The following ATM variants were observed in gnomAD, a reference collection of about 807,000 sequenced individuals.
ATM encodes serine-protein kinase ATM.
In ATM, 308 loss-of-function variants were observed where a neutral mutation model predicts 387.0. The ratio of observed to expected loss-of-function variants is 0.80; its 90% CI spans 0.73 to 0.87. The LOEUF is 0.87. Among genes scored for constraint, ATM ranks in the 40% least tolerant of loss-of-function variants. The pLI is 0.00. For missense variants in ATM, 3,312 were observed against 3,560.9 expected, an observed-to-expected ratio of 0.93 and a Z score of 1.78; for synonymous variants, 1,156 against 1,187.3, an observed-to-expected ratio of 0.97 and a Z score of 0.54.
At chr11:108,257,746 A>C (rs2080598119) in intron 15 of ATM, 140 bp downstream of exon 15, 2 of 872,640 alleles carry the variant, frequency 2.3e-6, no homozygotes, top group Non-Finnish European at 3.7e-6. Context: ...CAGCCTCCCA[A>C]GTAATTGGGA....
chr11:108,276,232 C>T (rs2081942311), intron 22 of ATM, among the ~76,000 whole-genome samples: 1 of 152,206 alleles, frequency 6.6e-6, no homozygotes, highest in African/African-American at 2.4e-5. Flanking sequence ...TTCTTCTCTA[C>T]ACTGATTATT....
Position 108,240,726 on chromosome 11 carries a change from C to A in ATM, c.497-3227C>A, listed in dbSNP as rs181062990. Reference sequence around the variant, plus strand: ...TTAACCATGAATGGAGCTTGCAGGACTGGAAGTTGCTCTGGGTATGTAAAT... The same window carrying A: ...TTAACCATGAATGGAGCTTGCAGGAATGGAAGTTGCTCTGGGTATGTAAAT... On this transcript the variant is annotated intron_variant, in intron 5 of 62. Coordinates refer to ENST00000675843, the MANE Select transcript of ATM (RefSeq NM_000051.4). 9.2e-5 allele frequency among the ~76,000 whole-genome samples: 14 copies of A among 152,180 alleles called. No homozygotes were observed. The East Asian group carries it at 1.9e-3, about 21-fold the overall frequency.
rs1060501613 is a variant in ATM at position 108,301,653 on chromosome 11, A to G, written c.5183A>G (p.Lys1728Arg). The G allele has an allele frequency of 3.1e-6, 5 of 1,613,540 alleles. No homozygotes were observed. Among genetic ancestry groups the G allele is most frequent in the East Asian group, 2.2e-5 (1 of 44,802 alleles). Reference sequence around the variant, plus strand: ...ATTTGAATTGTTTTTTTCAGTGTCAAAGTTCGATCAGCAGCTGTTACCTGT... The same window carrying G: ...ATTTGAATTGTTTTTTTCAGTGTCAGAGTTCGATCAGCAGCTGTTACCTGT... ...LNNTLVEDCV[K>R]VRSAAVTCLK... is the part of the protein sequence containing the mutation. Residue 1728 changes from lysine (K) to arginine (R), a missense_variant, in exon 35 of 63, where the codon AAA becomes AGA. By Grantham distance (26) the Lys-to-Arg change is conservative. Around this residue, in one of 4 missense-constraint regions of ATM, gnomAD observed 1,405 missense variants for 1,604.4 expected, o/e 0.88. Transcript: ENST00000675843.
At chr11:108,312,994 T>C (rs1178943202) in intron 40 of ATM, among the ~76,000 whole-genome samples, 1 of 152,190 alleles carries the variant, frequency 6.6e-6, no homozygotes, top group Non-Finnish European at 1.5e-5. Flanking sequence ...TGCTTAAACC[T>C]CTCATCTTCT....
chr11:108,317,539 A>G lies in ATM; in HGVS notation c.6347+18A>G. On this transcript the variant is annotated intron_variant, in intron 43 of 62. Coordinates refer to ENST00000675843, the MANE Select transcript of ATM (RefSeq NM_000051.4). Reference sequence around the variant, plus strand: ...TCCGTCAGGTAAGAAATTTGACTTGATTTTTTTTTTTTTGCCTCTCTCCTC... The same window carrying G: ...TCCGTCAGGTAAGAAATTTGACTTGGTTTTTTTTTTTTTGCCTCTCTCCTC... The G allele has an allele frequency of 2.3e-6, 3 of 1,318,260 alleles. No homozygotes were observed. The highest frequency in any genetic ancestry group is 2.8e-5 in the East Asian group (1 of 35,148). The allele number at this position is 1,318,260 out of a possible 1,614,324, so 81.7% of individuals were successfully genotyped here.
At position 108,337,470 on chromosome 11, in the gene ATM, G is replaced by C. The variant is rs1254124005; in HGVS notation, c.8268+1509G>C. Among the ~76,000 whole-genome samples the C allele has an allele frequency of 2.6e-5, 4 of 152,222 alleles. No individual in the cohort carries two copies. In the East Asian group the frequency reaches 7.7e-4, roughly 29 times the overall value. On this transcript the variant is annotated intron_variant, in intron 56 of 62. Transcript: ENST00000675843. ...CTTTAGCAGACATCATAGTCACTTA[G>C]AGAGTTTGTTAAAAACACAGATTTC...
Position 108,335,169 on chromosome 11 carries a change from A to G in ATM, c.8151+60A>G, listed in dbSNP as rs1340279471. The G allele has an allele frequency of 4.3e-6, 7 of 1,610,688 alleles. No individual in the cohort carries two copies. The East Asian group carries it at 1.6e-4, about 36-fold the overall frequency. On this transcript the variant is annotated intron_variant, in intron 55 of 62. Transcript: ENST00000675843. ...TTTTAGTGATGAAAATTTTTAGTTC[A>G]TATTTTCTTTCTGCTTTATTTGGGA...
chr11:108,306,882 C>G (rs575958339), intron 37 of ATM, among the ~76,000 whole-genome samples: 1 of 152,266 alleles, frequency 6.6e-6, no homozygotes, highest in East Asian at 1.9e-4. Flanking sequence ...CTCTAGAAAC[C>G]TCTCTCACGT....
rs1591249178 is a variant in ATM at position 108,343,345 on chromosome 11, G to T, written c.8392G>T (p.Ala2798Ser). The stretch of plus-strand genomic sequence containing the variant: ...AAGATACAGGCCAAATGATTTCAGT[G>T]CCTTTCAGTGCCAAAAGAAAATGAT... Reference protein sequence around the residue: ...HKRYRPNDFSAFQCQKKMMEV... With the variant: ...HKRYRPNDFSSFQCQKKMMEV... Residue 2798 changes from alanine (A) to serine (S), a missense_variant, in exon 57 of 63, where the codon GCC becomes TCC. Coordinates refer to ENST00000675843, the MANE Select transcript of ATM (RefSeq NM_000051.4). 6.2e-7 allele frequency: 1 copy of T among 1,613,916 alleles called. No homozygotes were observed. Among genetic ancestry groups the T allele is most frequent in the Non-Finnish European group, 8.5e-7 (1 of 1,179,866 alleles).
Position 108,256,323 on chromosome 11 carries a change from T to C in ATM, c.2233T>C (p.Leu745=), listed in dbSNP as rs1293287271. ...TGAAGAGGAAGCATATAAGTCAGAA[T>C]TATTCCAGAAAGCCAAGGTAGGAGA... is the stretch of plus-strand genomic sequence containing the variant. ...IAEEEAYKSE[L]FQKAKSLMQC... The change falls in exon 14 of 63, where the codon TTA becomes CTA. Residue 745 remains leucine (L), a synonymous_variant. Transcript: ENST00000675843. 1 of 1,610,824 alleles carries C rather than the reference T, an allele frequency of 6.2e-7. No individual in the cohort carries two copies. The highest frequency in any genetic ancestry group is 2.2e-5 in the East Asian group (1 of 44,720).
In ATM at chr11:108,272,776, G is replaced by A. The variant is rs587780620; in HGVS notation, c.3208G>A (p.Val1070Ile). Reference protein sequence around the residue: ...ILNVMGKDFPVNEVFTQFLAD... With the variant: ...ILNVMGKDFPINEVFTQFLAD... ...TAATGTAATGGGAAAAGACTTTCCTGTAAATGAAGTATTTACACAATTTCT... is the reference window on the plus strand; with the variant it reads ...TAATGTAATGGGAAAAGACTTTCCTATAAATGAAGTATTTACACAATTTCT... Residue 1070 changes from valine to isoleucine, a missense_variant, in exon 22 of 63, where the codon GTA (valine) becomes ATA (isoleucine). By Grantham distance (29) the Val-to-Ile change is conservative (BLOSUM62 3). Transcript: ENST00000675843. The A allele has an allele frequency of 8.7e-6, 14 of 1,613,982 alleles. No homozygotes were observed. Among genetic ancestry groups the A allele is most frequent in the Non-Finnish European group, 1.0e-5 (12 of 1,179,976 alleles).
chr11:108,242,902 A>G (rs922347089), intron 5 of ATM, among the ~76,000 whole-genome samples: 3 of 152,088 alleles, frequency 2.0e-5, no homozygotes, highest in Admixed American at 2.0e-4. Context: ...GGAAACTGTC[A>G]TGCTAATTTG....
At chr11:108,338,932 A>G (rs1462799969) in intron 56 of ATM, among the ~76,000 whole-genome samples, 1 of 152,140 alleles carries the variant, frequency 6.6e-6, no homozygotes. Flanking sequence ...GTCATTCCCA[A>G]TCCTGAGATT....
chr11:108,334,146 AG>A (rs1160576597), intron 54 of ATM, among the ~76,000 whole-genome samples, 178 bp downstream of exon 54: 1 of 152,164 alleles, frequency 6.6e-6, no homozygotes, highest in African/African-American at 2.4e-5. Flanking sequence ...AATACTCAAA[AG>A]CTTCTCCTGC....
rs963653732 is a variant in ATM at position 108,260,627 on chromosome 11, G to C, written c.2466+1552G>C. ...ACTTCTTAATATAAGAAATAATTTT[G>C]AGGGAGGAGCCAAGATGGCCGAATA... On this transcript the variant is annotated intron_variant, in intron 16 of 62. Coordinates refer to ENST00000675843, the MANE Select transcript of ATM (RefSeq NM_000051.4). Among the ~76,000 whole-genome samples the C allele has an allele frequency of 3.3e-5, 5 of 152,174 alleles. No homozygotes were observed. Among genetic ancestry groups the C allele is most frequent in the Non-Finnish European group, 7.3e-5 (5 of 68,032 alleles).
rs587782239 is a variant in ATM, at chr11:108,304,796, G to T, written c.5618G>T (p.Cys1873Phe). 1.2e-6 allele frequency: 2 copies of T among 1,613,632 alleles called. No homozygotes were observed. Among genetic ancestry groups the T allele is most frequent in the Admixed American group, 3.3e-5 (2 of 59,994 alleles). Residue 1873 changes from cysteine to phenylalanine, a missense_variant, in exon 37 of 63, where the codon TGT becomes TTT. Transcript: ENST00000675843. ...STHVQGFFTS[C>F]LRHFSQTSRS... is the part of the protein sequence containing the mutation. Reference sequence around the variant, plus strand: ...CATGTTCAGGGATTTTTCACCAGCTGTCTTCGACACTTCTCGCAAACGAGC... The same window carrying T: ...CATGTTCAGGGATTTTTCACCAGCTTTCTTCGACACTTCTCGCAAACGAGC...
At chr11:108,309,168 T>C in intron 38 of ATM, 1 of 629,222 alleles carries the variant, frequency 1.6e-6, no homozygotes, top group Non-Finnish European at 2.7e-6. Flanking sequence ...TCCTGTACAG[T>C]ATGTTGGGCA....
In ATM at chr11:108,251,814, A is replaced by G. The variant is rs780514568; in HGVS notation, c.1608-23A>G. On this transcript the variant is annotated intron_variant, in intron 10 of 62. Transcript: ENST00000675843. ...GCCCCTCCAATAGCTTGCTTTTCAC[A>G]ATTGTCCTTTGTTTTGTTATAGTCC... 4 of 1,612,988 alleles carry G rather than the reference A, an allele frequency of 2.5e-6. No homozygotes were observed. In the African/African-American group the frequency reaches 5.3e-5, roughly 22 times the overall value.
rs899511430 is a variant in ATM at position 108,366,575 on chromosome 11, A to G, written c.*1067A>G. The G allele has an allele frequency of 6.1e-5, 14 of 230,010 alleles. No individual in the cohort carries two copies. Among genetic ancestry groups the G allele is most frequent in the South Asian group, 1.8e-4 (1 of 5,512 alleles). The allele number at this position is 230,010 out of a possible 1,614,324, so 14.2% of individuals were successfully genotyped here. ...GTTTATTTTCAGCAAGGCTTTATCTATGGGAATCTTGAGTGTCTGTTTATG... is the reference window on the plus strand; with the variant it reads ...GTTTATTTTCAGCAAGGCTTTATCTGTGGGAATCTTGAGTGTCTGTTTATG... On this transcript the variant is annotated 3_prime_UTR_variant, in exon 63 of 63. Coordinates refer to ENST00000675843, the MANE Select transcript of ATM (RefSeq NM_000051.4).
Sources: allele counts gnomAD v4.1 joint callset (sites outside exome capture counted in the v4.1 genomes callset), GRCh38; gene constraint gnomAD v4.1.1; regional missense constraint gnomAD v4.1.1; transcripts MANE v1.5; gene names NCBI Gene and HGNC (gene_info 2026-07-23, HGNC 2026-07-21).